CUX2: variants seen among roughly 807,000 people sequenced by gnomAD.
CUX2 encodes cut like homeobox 2.
A neutral mutation model predicts 144.8 loss-of-function variants in CUX2; 40 were observed. That is an observed-to-expected ratio of 0.28 (90% CI 0.21 to 0.36). The LOEUF (loss-of-function observed/expected upper bound fraction) is 0.36, where lower values mean the gene tolerates loss of function less well. Ranked by LOEUF, CUX2 falls within the 10% of genes least tolerant of loss-of-function variation. The probability of loss-of-function intolerance (pLI) is 1.00; values close to 1 mark genes in which losing one functional copy is unlikely to be tolerated. For synonymous variants in CUX2, 827 were observed against 875.6 expected, an observed-to-expected ratio of 0.94 and a Z score of 0.98; for missense variants, 1,615 against 1,994.0, an observed-to-expected ratio of 0.81 and a Z score of 3.62.
At chr12:111,092,306 G>A (rs1304660394) in intron 1 of CUX2, among the ~76,000 whole-genome samples, 3 of 152,224 alleles carry the variant, frequency 2.0e-5, no homozygotes, top group African/African-American at 7.2e-5. Context: ...GAGACTTGAA[G>A]TCTTGGCTGC....
At chr12:111,316,111 C>T (rs760803740) in intron 16 of CUX2, among the ~76,000 whole-genome samples, 3 of 150,030 alleles carry the variant, frequency 2.0e-5, no homozygotes, top group East Asian at 2.0e-4. Flanking sequence ...TTTTTTTAAT[C>T]GAGGTAAAAT....
chr12:111,293,531 A>G lies in CUX2; in HGVS notation c.522A>G (p.Thr174=), dbSNP rs1255769826. The part of the protein sequence containing the change: ...LPGIPGKALL[T]ETLLQRNEAE... Reference sequence around the variant, plus strand: ...GCATTCCCGGGAAAGCCCTCCTGACAGAAACCTTGCTGCAGAGAAATGAGG... The same window carrying G: ...GCATTCCCGGGAAAGCCCTCCTGACGGAAACCTTGCTGCAGAGAAATGAGG... Residue 174 remains threonine, a synonymous_variant, in exon 6 of 22, where the codon ACA becomes ACG. Coordinates refer to ENST00000261726, the MANE Select transcript of CUX2 (RefSeq NM_015267.4). The surrounding 1 kb of genome is among the most constrained non-coding windows in gnomAD (Gnocchi z 4.5). 6.3e-7 allele frequency: 1 copy of G among 1,598,782 alleles called. No homozygotes were observed. Among genetic ancestry groups the G allele is most frequent in the East Asian group, 2.2e-5 (1 of 44,510 alleles).
At position 111,034,230 on chromosome 12, in the gene CUX2, G is replaced by T. The variant is rs1268598633; in HGVS notation, c.53G>T (p.Arg18Leu). 7.2e-7 allele frequency: 1 copy of T among 1,395,554 alleles called. No individual in the cohort carries two copies. 86.4% of individuals were successfully genotyped at this position (1,395,554 alleles called of 1,614,324 possible). Residue 18 changes from arginine (R) to leucine (L), a missense_variant, in exon 1 of 22, where the codon CGG becomes CTG. Physicochemically the swap from Arg to Leu is moderately radical, Grantham distance 102 (BLOSUM62 -2). This residue lies in a region of CUX2 where 64 missense variants were observed against 64.9 expected (regional missense o/e 0.99). Coordinates refer to ENST00000261726, the MANE Select transcript of CUX2 (RefSeq NM_015267.4). This position sits in a 1 kb window ranked among gnomAD's most constrained non-coding sequence, Gnocchi z 4.2. ...CAATATTGGAAGCGATTTGATCTAC[G>T]GCGACTCCAGGTTAGTGCGGGCAGC... The part of the protein sequence containing the change: ...MFQYWKRFDL[R>L]RLQKELNSVA...
rs930186450 is a variant in CUX2, at chr12:111,259,035, G to A, written c.223-4726G>A. On this transcript the variant is annotated intron_variant, in intron 3 of 21. Coordinates refer to ENST00000261726, the MANE Select transcript of CUX2 (RefSeq NM_015267.4). Reference sequence around the variant, plus strand: ...GGTGTAGACCACCACACCCAGCTGTGTGTGTGTGTGTGTGTGTGTGTGTGT... The same window carrying A: ...GGTGTAGACCACCACACCCAGCTGTATGTGTGTGTGTGTGTGTGTGTGTGT... Among the ~76,000 whole-genome samples the A allele has an allele frequency of 7.4e-3, 856 of 116,102 alleles. 7 individuals are homozygous for A. Among genetic ancestry groups the A allele is most frequent in the African/African-American group, 0.049 (824 of 16,972 alleles). 76.2% of individuals were successfully genotyped at this position (116,102 alleles called of 152,430 possible). A position where few individuals can be genotyped will look rare whatever the true frequency, so the allele number is the denominator to read the frequency against.
chr12:111,158,264 T>G (rs906671004), intron 1 of CUX2, among the ~76,000 whole-genome samples: 1 of 152,082 alleles, frequency 6.6e-6, no homozygotes, highest in African/African-American at 2.4e-5. Flanking sequence ...AATGACCTAC[T>G]GGAAGCACCT....
intron 9 of CUX2, among the ~76,000 whole-genome samples, chr12:111,299,753 A>G (rs1210500388): frequency 6.6e-6 from 1 of 152,226 alleles, no homozygotes. Context: ...AAGAAGCTAC[A>G]CAAGGGCCTG....
At chr12:111,180,017 A>G (rs925861855) in intron 1 of CUX2, among the ~76,000 whole-genome samples, 2 of 152,072 alleles carry the variant, frequency 1.3e-5, no homozygotes, top group Admixed American at 6.5e-5. Context: ...ACCCCGGATC[A>G]TGCCATGGCA....
At chr12:111,137,140 G>A (rs1339394354) in intron 1 of CUX2, among the ~76,000 whole-genome samples, 1 of 151,342 alleles carries the variant, frequency 6.6e-6, no homozygotes, top group African/African-American at 2.4e-5. Context: ...GGCCATCTTG[G>A]CCAAGCTGGC....
intron 4 of CUX2, among the ~76,000 whole-genome samples, chr12:111,280,650 G>A (rs912246314): frequency 5.3e-5 from 8 of 152,108 alleles, no homozygotes; most frequent in East Asian, 3.9e-4. Context: ...GGTGTCACAC[G>A]CCTCTCTCCC....
rs1199798273 is a variant in CUX2 at position 111,320,681 on chromosome 12, A to G, written c.2672A>G (p.Tyr891Cys). Residue 891 changes from tyrosine (Y) to cysteine (C), a missense_variant, in exon 17 of 22, where the codon TAC becomes TGC. Physicochemically the swap from Tyr to Cys is radical, Grantham distance 194. Transcript: ENST00000261726. The surrounding 1 kb of genome is among the most constrained non-coding windows in gnomAD (Gnocchi z 8.1). ...PPLTPEQYEL[Y>C]MYREVDTLEL... The stretch of plus-strand genomic sequence containing the variant: ...CTGACCCCCGAGCAGTACGAGCTGT[A>G]CATGTACCGTGAGGTAGACACGCTG... The G allele has an allele frequency of 1.3e-6, 2 of 1,596,724 alleles. No individual in the cohort carries two copies. The highest frequency in any genetic ancestry group is 1.7e-6 in the Non-Finnish European group (2 of 1,179,096).
chr12:111,327,718 G>T (rs3893082), intron 18 of CUX2, among the ~76,000 whole-genome samples: 1 of 152,144 alleles, frequency 6.6e-6, no homozygotes, highest in Admixed American at 6.6e-5. Flanking sequence ...GCACGGCCTG[G>T]GAAGGGATGT....
Position 111,074,910 on chromosome 12 carries a change from G to A in CUX2, c.63+40670G>A, listed in dbSNP as rs113014850. On this transcript the variant is annotated intron_variant, in intron 1 of 21. Transcript: ENST00000261726. The stretch of plus-strand genomic sequence containing the variant: ...GAGCCTCTCGAGACCCCACCATCTA[G>A]CCAGGTAAGGTTTGCCCAGACCTGG... Among the ~76,000 whole-genome samples the A allele has an allele frequency of 6.9e-3, 1,044 of 150,680 alleles. 32 individuals are homozygous for A. Among genetic ancestry groups the A allele is most frequent in the African/African-American group, 0.025 (991 of 40,036 alleles).
chr12:111,223,137 A>G (rs959843896), intron 3 of CUX2, among the ~76,000 whole-genome samples: 1 of 152,110 alleles, frequency 6.6e-6, no homozygotes, highest in Admixed American at 6.6e-5. Context: ...AGAACCTTCT[A>G]TGTCCCAGGC....
rs1457038263 is a variant in CUX2 at position 111,068,376 on chromosome 12, A to G, written c.63+34136A>G. Among the ~76,000 whole-genome samples the G allele has an allele frequency of 1.3e-5, 2 of 152,240 alleles. No individual in the cohort carries two copies. Among genetic ancestry groups the G allele is most frequent in the Non-Finnish European group, 2.9e-5 (2 of 68,036 alleles). On this transcript the variant is annotated intron_variant, in intron 1 of 21. Transcript: ENST00000261726. The surrounding 1 kb of genome is among the most constrained non-coding windows in gnomAD (Gnocchi z 4.9). ...CTTCCTGTGGATGAATGACATCTGT[A>G]TGAAAAGCCAGCCAGCCGGCCGATT...
rs896778880 is a variant in CUX2 at position 111,310,919 on chromosome 12, G to T, written c.1900+237G>T. 6.6e-6 allele frequency among the ~76,000 whole-genome samples: 1 copy of T among 152,264 alleles called. No homozygotes were observed. The highest frequency in any genetic ancestry group is 1.5e-5 in the Non-Finnish European group (1 of 68,050). On this transcript the variant is annotated intron_variant, in intron 15 of 21. Transcript: ENST00000261726. The surrounding 1 kb of genome is among the most constrained non-coding windows in gnomAD (Gnocchi z 7.9). ...GCCAGAGACAGTCTGCCCTTCCTGGGGCACTCAGGGTAAGGGTGGCGGGAA... is the reference window on the plus strand; with the variant it reads ...GCCAGAGACAGTCTGCCCTTCCTGGTGCACTCAGGGTAAGGGTGGCGGGAA...
chr12:111,154,664 G>A (rs1877263459), intron 1 of CUX2, among the ~76,000 whole-genome samples: 1 of 152,162 alleles, frequency 6.6e-6, no homozygotes, highest in South Asian at 2.1e-4. Context: ...ATGGGACCTC[G>A]TGCCTGGGAG....
chr12:111,270,783 A>G (rs146185377), intron 4 of CUX2: 1 of 152,252 alleles, frequency 6.6e-6, no homozygotes, highest in African/African-American at 2.4e-5. Context: ...GCAGATTTGC[A>G]ATTCCTGGCA....
intron 1 of CUX2, among the ~76,000 whole-genome samples, chr12:111,040,911 G>T (rs897108430): frequency 6.6e-6 from 1 of 152,212 alleles, no homozygotes; most frequent in Admixed American, 6.5e-5. Flanking sequence ...GCTGTAGTTT[G>T]CCTGCCCTGG....
chr12:111,293,642 T>C lies in CUX2; in HGVS notation c.560+73T>C. 1 of 1,513,748 alleles carries C rather than the reference T, an allele frequency of 6.6e-7. No homozygotes were observed. 93.8% of individuals were successfully genotyped at this position (1,513,748 alleles called of 1,614,324 possible). A position where few individuals can be genotyped will look rare whatever the true frequency, so the allele number is the denominator to read the frequency against. ...CCTGCTGCCCCACCTGGCTGGGTCG[T>C]GGACGGGGAAAGTCTCCTACCAGAA... On this transcript the variant is annotated intron_variant, in intron 6 of 21. Coordinates refer to ENST00000261726, the MANE Select transcript of CUX2 (RefSeq NM_015267.4). This position sits in a 1 kb window ranked among gnomAD's most constrained non-coding sequence, Gnocchi z 4.5.
Sources: gnomAD v4.1 joint callset for allele counts (sites outside exome capture counted in the v4.1 genomes callset) on GRCh38, gnomAD v4.1.1 for gene constraint, gnomAD v4.1.1 regional missense constraint, Gnocchi (gnomAD v3.1) non-coding constraint, MANE v1.5 for transcripts, NCBI Gene and HGNC (gene_info 2026-07-23, HGNC 2026-07-21) for gene names.